AKT3: variants seen among roughly 807,000 people sequenced by gnomAD.
AKT3 encodes RAC-gamma serine/threonine-protein kinase.
AKT3 carries 15 observed loss-of-function variants against 65.3 expected under a neutral mutation model. That is an observed-to-expected ratio of 0.23 (90% CI 0.15 to 0.35). The LOEUF (loss-of-function observed/expected upper bound fraction) is 0.35. AKT3 is among the 10% of genes least tolerant of loss of function. AKT3 has a pLI of 1.00. For missense variants in AKT3, 243 were observed against 576.5 expected, an observed-to-expected ratio of 0.42 and a Z score of 5.92; for synonymous variants, 206 against 183.8, an observed-to-expected ratio of 1.12 and a Z score of -0.98.
intron 2 of AKT3, among the ~76,000 whole-genome samples, chr1:243,790,826 G>C (rs1691586709): frequency 6.6e-6 from 1 of 152,144 alleles, no homozygotes; most frequent in South Asian, 2.1e-4. Context: ...AGGAGTGAGA[G>C]AGACAGGGGT....
chr1:243,642,386 T>C (rs930393397), intron 5 of AKT3, among the ~76,000 whole-genome samples: 2 of 152,248 alleles, frequency 1.3e-5, no homozygotes, highest in Non-Finnish European at 2.9e-5. Context: ...CTCGGCTCAC[T>C]GCAAGCTCTG....
intron 8 of AKT3, among the ~76,000 whole-genome samples, chr1:243,610,831 G>A (rs909472169): frequency 2.6e-5 from 4 of 152,112 alleles, no homozygotes; most frequent in Non-Finnish European, 5.9e-5. Flanking sequence ...CTTTATACTC[G>A]TCTGCACCTA....
intron 6 of AKT3, among the ~76,000 whole-genome samples, chr1:243,628,801 T>C (rs1304298491): frequency 1.3e-5 from 2 of 152,224 alleles, no homozygotes; most frequent in Non-Finnish European, 2.9e-5. Flanking sequence ...TATAACTGAC[T>C]GATGTGAAAC....
At chr1:243,523,374 G>T (rs573347183) in intron 12 of AKT3, among the ~76,000 whole-genome samples, 1 of 151,200 alleles carries the variant, frequency 6.6e-6, no homozygotes. Flanking sequence ...CTAAACATCA[G>T]AACAGGAACA....
intron 2 of AKT3, among the ~76,000 whole-genome samples, chr1:243,748,644 TAATAAA>T (rs1688621479): frequency 6.6e-6 from 1 of 152,196 alleles, no homozygotes; most frequent in African/African-American, 2.4e-5. Flanking sequence ...GTGATTAAGA[TAATAAA>T]AATAAATCAA....
chr1:243,694,797 T>C (rs986957316), intron 3 of AKT3, among the ~76,000 whole-genome samples: 104 of 152,098 alleles, frequency 6.8e-4, no homozygotes, highest in African/African-American at 2.5e-3. Context: ...TGTATCTTTT[T>C]TTCCCAAATA....
chr1:243,829,590 A>G (rs1694376003), intron 2 of AKT3, among the ~76,000 whole-genome samples: 3 of 152,224 alleles, frequency 2.0e-5, no homozygotes, highest in African/African-American at 4.8e-5. Flanking sequence ...CCTCATATTT[A>G]AAACTTAACT....
chr1:243,722,334 A>G (rs906964233), intron 2 of AKT3, among the ~76,000 whole-genome samples: 1 of 152,206 alleles, frequency 6.6e-6, no homozygotes, highest in African/African-American at 2.4e-5. Flanking sequence ...GCAACAACCT[A>G]AATTTACTCT....
chr1:243,848,031 AC>A (rs1695591534), intron 1 of AKT3, among the ~76,000 whole-genome samples: 1 of 152,238 alleles, frequency 6.6e-6, no homozygotes, highest in African/African-American at 2.4e-5. Context: ...TATTTTTAAA[AC>A]GCTGTAAGAA....
Position 243,697,368 on chromosome 1 carries a change from GA to G in AKT3, c.47-1653del, listed in dbSNP as rs543004329. On this transcript the variant is annotated intron_variant, in intron 2 of 13. Coordinates refer to ENST00000673466, the MANE Select transcript of AKT3 (RefSeq NM_005465.7). ...TGTTGTTTTGGTTTAAATTTAGGGG[GA>G]AAAAATCTGGCTCAAAGAGATATGA... 2.3e-3 allele frequency among the ~76,000 whole-genome samples: 350 copies of G among 151,752 alleles called. 2 individuals are homozygous for G. Among genetic ancestry groups the G allele is most frequent in the Non-Finnish European group, 4.2e-3 (287 of 67,794 alleles).
chr1:243,679,310 T>C (rs1447562670), intron 3 of AKT3, among the ~76,000 whole-genome samples: 1 of 152,200 alleles, frequency 6.6e-6, no homozygotes, highest in Non-Finnish European at 1.5e-5. Context: ...GCCCCTAAAC[T>C]TTGCATTGCT....
intron 8 of AKT3, among the ~76,000 whole-genome samples, chr1:243,577,176 T>G (rs1408961808): frequency 6.6e-6 from 1 of 152,174 alleles, no homozygotes; most frequent in East Asian, 1.9e-4. Context: ...AGACAGAGTC[T>G]CACTCTGTCA....
chr1:243,763,181 T>C (rs1484240785), intron 2 of AKT3, among the ~76,000 whole-genome samples: 1 of 152,110 alleles, frequency 6.6e-6, no homozygotes, highest in Non-Finnish European at 1.5e-5. Context: ...ATAAACAGCC[T>C]ACTCAGTAGA....
downstream of AKT3, chr1:243,499,659 G>C: frequency 4.0e-6 from 4 of 1,008,926 alleles, no homozygotes; most frequent in Admixed American, 5.4e-5. Context: ...TCCAACAACA[G>C]TTTTCATCAT....
intron 8 of AKT3, among the ~76,000 whole-genome samples, chr1:243,581,552 A>T (rs916419358): frequency 6.6e-6 from 1 of 152,178 alleles, no homozygotes; most frequent in East Asian, 1.9e-4. Context: ...AGGAGAAAAA[A>T]ATATATAATA....
intron 4 of AKT3, 114 bp from the exon 5 acceptor site, chr1:243,646,151 C>G: frequency 2.3e-6 from 2 of 878,270 alleles, no homozygotes; most frequent in Non-Finnish European, 3.3e-6. Context: ...ATCAAACACA[C>G]TCAACACAGA....
intron 12 of AKT3, among the ~76,000 whole-genome samples, chr1:243,539,078 A>T (rs1023265849): frequency 6.6e-5 from 10 of 152,156 alleles, no homozygotes; most frequent in Admixed American, 2.0e-4. Context: ...CCTAATGAAC[A>T]CTGGTAGAAC....
chr1:243,707,674 T>C (rs1164414349), intron 2 of AKT3, among the ~76,000 whole-genome samples: 1 of 152,186 alleles, frequency 6.6e-6, no homozygotes, highest in Admixed American at 6.5e-5. Context: ...AGCATGATGC[T>C]GAACACCTCA....
intron 10 of AKT3, among the ~76,000 whole-genome samples, chr1:243,562,862 G>A (rs1028838805): frequency 6.6e-6 from 1 of 152,108 alleles, no homozygotes; most frequent in East Asian, 1.9e-4. Context: ...TATCCTTGCT[G>A]TGCCCATTTG....
Sources: allele counts gnomAD v4.1 joint callset (sites outside exome capture counted in the v4.1 genomes callset), GRCh38; gene constraint gnomAD v4.1.1; transcripts MANE v1.5; gene names NCBI Gene and HGNC (gene_info 2026-07-23, HGNC 2026-07-21).